The following MRPS23 variants were observed in gnomAD, a reference collection of about 807,000 sequenced individuals.
MRPS23 encodes the protein mitochondrial ribosomal protein S23.
A neutral mutation model predicts 19.8 loss-of-function variants in MRPS23; 14 were observed. That is an observed-to-expected ratio of 0.71 (90% CI 0.47 to 1.11). MRPS23 has a LOEUF of 1.11. Among genes scored for constraint, MRPS23 ranks in the 50% least tolerant of loss-of-function variants. The pLI is 0.00. For synonymous variants in MRPS23, 113 were observed against 89.7 expected (o/e 1.26, Z -1.47); for missense variants, 242 against 236.7 (o/e 1.02, Z -0.15).
chr17:57,839,855 A>G lies in MRPS23; in HGVS notation c.501T>C (p.Thr167=). The G allele has an allele frequency of 6.2e-7, 1 of 1,614,178 alleles. No individual in the cohort carries two copies. ...GCTGGTCCTGTGGAACTTCTTTCTGAGTCTCGTTTTCTTCCAACGCAGTCT... is the reference window on the plus strand; with the variant it reads ...GCTGGTCCTGTGGAACTTCTTTCTGGGTCTCGTTTTCTTCCAACGCAGTCT... ...RPQTALEENE[T]QKEVPQDQHL... is the part of the protein sequence containing the mutation. The change falls in exon 5 of 5, where the codon ACT becomes ACC. Residue 167 remains threonine, a synonymous_variant. Coordinates refer to ENST00000313608, the MANE Select transcript of MRPS23 (RefSeq NM_016070.4).
rs567666073 is a variant in MRPS23 at position 57,837,835 on chromosome 17, A to G, written c.*1948T>C. The G allele has an allele frequency of 2.0e-4, 31 of 153,334 alleles. No individual in the cohort carries two copies. In the South Asian group the frequency reaches 3.7e-3, roughly 18 times the overall value. 9.5% of individuals were successfully genotyped at this position (153,334 alleles called of 1,614,324 possible). A position where few individuals can be genotyped will look rare whatever the true frequency, so the allele number is the denominator to read the frequency against. On this transcript the variant is annotated 3_prime_UTR_variant, in exon 5 of 5. Transcript: ENST00000313608. ...AAAAAAACAAACAAAAAAAATGTTA[A>G]AGAGCCAGGCGTGGTGGCACATGCC...
chr17:57,847,279 C>G (rs371510034), intron 2 of MRPS23, among the ~76,000 whole-genome samples: 1 of 132,346 alleles, frequency 7.6e-6, no homozygotes, highest in African/African-American at 2.8e-5. Flanking sequence ...GGTGGCAGAG[C>G]GAGACTCCAT....
Position 57,849,975 on chromosome 17 carries a change from G to A in MRPS23, c.36C>T (p.Ile12=), listed in dbSNP as rs758533367. The A allele has an allele frequency of 2.2e-5, 35 of 1,590,354 alleles. No individual in the cohort carries two copies. The Admixed American group carries it at 6.0e-4, about 27-fold the overall frequency. Reference sequence around the variant, plus strand: ...CGGCTGGGAGCACACACCGAGAGAAGATGCTCCCTACGGTTTCCAGCCGGC... The same window carrying A: ...CGGCTGGGAGCACACACCGAGAGAAAATGCTCCCTACGGTTTCCAGCCGGC... ...AGSRLETVGS[I]FSRTRDLVRA... The change falls in exon 1 of 5, where the codon ATC becomes ATT. Residue 12 remains isoleucine (I), a synonymous_variant. Coordinates refer to ENST00000313608, the MANE Select transcript of MRPS23 (RefSeq NM_016070.4).
At chr17:57,848,057 T>C (rs2073788103) in intron 2 of MRPS23, among the ~76,000 whole-genome samples, 1 of 152,038 alleles carries the variant, frequency 6.6e-6, no homozygotes, top group South Asian at 2.1e-4. Context: ...GTAAGAACTC[T>C]CAGAAACTGC....
rs1388734858 is a variant in MRPS23, at chr17:57,846,237, G to A, written c.215+3003C>T. Among the ~76,000 whole-genome samples, 7 of 143,670 alleles carry A rather than the reference G, an allele frequency of 4.9e-5. No individual in the cohort carries two copies. In the East Asian group the frequency reaches 9.8e-4, roughly 20 times the overall value. The allele number at this position is 143,670 out of a possible 152,430, so 94.3% of individuals were successfully genotyped here. On this transcript the variant is annotated intron_variant, in intron 2 of 4. Transcript: ENST00000313608. Reference sequence around the variant, plus strand: ...CAGCCCCCGCCTGGCCAGCCGCCCCGTCCGGGAGGGAGGTGGGGGGTAGCC... The same window carrying A: ...CAGCCCCCGCCTGGCCAGCCGCCCCATCCGGGAGGGAGGTGGGGGGTAGCC...
intron 2 of MRPS23, among the ~76,000 whole-genome samples, chr17:57,845,149 C>T (rs973119301): frequency 6.6e-5 from 10 of 152,162 alleles, no homozygotes; most frequent in African/African-American, 2.2e-4. Flanking sequence ...CCACCCGCCT[C>T]GGCCTCCTGA....
rs35501487 is a variant in MRPS23, at chr17:57,842,891, T to TAC, written c.216-1633_216-1632dup. 6.4e-3 allele frequency among the ~76,000 whole-genome samples: 492 copies of TAC among 76,544 alleles called. 5 individuals carry two copies. Among genetic ancestry groups the TAC allele is most frequent in the Middle Eastern group, 0.03 (3 of 100 alleles). The allele number at this position is 76,544 out of a possible 152,430, so 50.2% of individuals were successfully genotyped here. ...AAAAAAAAAAAAAAATATATATATA[T>TAC]ACACACACACACACACACACACACA... On this transcript the variant is annotated intron_variant, in intron 2 of 4. Transcript: ENST00000313608.
chr17:57,848,626 T>G (rs1382060399), intron 2 of MRPS23: 1 of 151,544 alleles, frequency 6.6e-6, no homozygotes, highest in African/African-American at 2.4e-5. Flanking sequence ...CCGCCCGCCT[T>G]GGCCTCCCAA....
intron 4 of MRPS23, among the ~76,000 whole-genome samples, chr17:57,840,577 A>T (rs903335382): frequency 2.6e-5 from 4 of 152,184 alleles, no homozygotes; most frequent in Non-Finnish European, 1.5e-5. Flanking sequence ...TCAGATTGGC[A>T]ACTCTGGTCA....
intron 2 of MRPS23, among the ~76,000 whole-genome samples, chr17:57,843,566 GA>G (rs1257457091): frequency 5.3e-5 from 8 of 152,154 alleles, no homozygotes; most frequent in African/African-American, 1.9e-4. Context: ...GAGGCTTTGG[GA>G]GGTAATCAGG....
chr17:57,842,014 C>CTT (rs545289407), intron 2 of MRPS23, among the ~76,000 whole-genome samples: 7 of 149,766 alleles, frequency 4.7e-5, no homozygotes, highest in Non-Finnish European at 1.0e-4. Flanking sequence ...ATAAAATTAA[C>CTT]TTTTTTTTTT....
In MRPS23 at chr17:57,835,331, C is replaced by T. The variant is rs999788417; in HGVS notation, c.*4452G>A. The T allele has an allele frequency of 1.3e-5, 2 of 152,222 alleles. No individual in the cohort carries two copies. The highest frequency in any genetic ancestry group is 4.8e-5 in the African/African-American group (2 of 41,444). 9.4% of individuals were successfully genotyped at this position (152,222 alleles called of 1,614,324 possible). A position where few individuals can be genotyped will look rare whatever the true frequency, so the allele number is the denominator to read the frequency against. ...CGTCACCAACTGGGTGTTAGTGATG[C>T]TGCTAAGTTTTCTAGTCACTCAGGT... On this transcript the variant is annotated 3_prime_UTR_variant, in exon 5 of 5. Transcript: ENST00000313608.
At chr17:57,843,475 G>T (rs2073753459) in intron 2 of MRPS23, among the ~76,000 whole-genome samples, 1 of 152,082 alleles carries the variant, frequency 6.6e-6, no homozygotes, top group South Asian at 2.1e-4. Flanking sequence ...TTTCTATTTG[G>T]TGGTTGCTAT....
Position 57,850,041 on chromosome 17 carries a change from T to C in MRPS23, c.-31A>G, listed in dbSNP as rs1398325042. On this transcript the variant is annotated 5_prime_UTR_variant, in exon 1 of 5. Coordinates refer to ENST00000313608, the MANE Select transcript of MRPS23 (RefSeq NM_016070.4). ...GCGCCTGGTACCGAGCGTGACTAGC[T>C]GCTACCGGAACCGGAAGCGGCTGCT... The C allele has an allele frequency of 6.3e-7, 1 of 1,580,742 alleles. No homozygotes were observed. Among genetic ancestry groups the C allele is most frequent in the African/African-American group, 1.4e-5 (1 of 74,012 alleles).
intron 2 of MRPS23, among the ~76,000 whole-genome samples, chr17:57,841,998 C>A (rs1183959975): frequency 1.3e-5 from 2 of 150,854 alleles, no homozygotes; most frequent in Non-Finnish European, 3.0e-5. Flanking sequence ...GTAAAAGTCA[C>A]ACATCATAAA....
chr17:57,841,426 T>C (rs550901257), intron 2 of MRPS23, among the ~76,000 whole-genome samples, 166 bp from the exon 3 acceptor site: 105 of 152,284 alleles, frequency 6.9e-4, no homozygotes, highest in African/African-American at 2.4e-3. Context: ...AATGCACACA[T>C]GCACATGGTA....
chr17:57,844,604 CAA>C (rs35491122), intron 2 of MRPS23, among the ~76,000 whole-genome samples: 2,153 of 122,252 alleles, frequency 0.018, 27 homozygotes, highest in African/African-American at 0.045. Flanking sequence ...CCTGAAAATA[CAA>C]AAAAAAAAAA....
At chr17:57,847,419 T>C (rs1421925312) in intron 2 of MRPS23, among the ~76,000 whole-genome samples, 1 of 151,836 alleles carries the variant, frequency 6.6e-6, no homozygotes, top group Non-Finnish European at 1.5e-5. Flanking sequence ...TCCCAGCACT[T>C]TGGGAGGCCG....
intron 2 of MRPS23, among the ~76,000 whole-genome samples, chr17:57,844,639 C>T (rs1349816039): frequency 6.7e-6 from 1 of 148,848 alleles, no homozygotes; most frequent in Non-Finnish European, 1.5e-5. Flanking sequence ...GCCGTGGTGA[C>T]ACATGCCTGT....
Sources: gnomAD v4.1 joint callset for allele counts (sites outside exome capture counted in the v4.1 genomes callset) on GRCh38, gnomAD v4.1.1 for gene constraint, MANE v1.5 for transcripts, NCBI Gene and HGNC (gene_info 2026-07-23, HGNC 2026-07-21) for gene names.